Variants in HS2ST1 observed in about 807,000 individuals in gnomAD.
HS2ST1 encodes 2-O-sulfotransferase.
A neutral mutation model predicts 42.9 loss-of-function variants in HS2ST1; 18 were observed. The observed-to-expected ratio is 0.42, with a 90% CI of 0.29 to 0.62. The LOEUF (loss-of-function observed/expected upper bound fraction) is 0.62, where lower values mean the gene tolerates loss of function less well. Ranked by LOEUF, HS2ST1 falls within the 20% of genes least tolerant of loss-of-function variation. The probability of loss-of-function intolerance (pLI) is 0.21; values close to 1 mark genes in which losing one functional copy is unlikely to be tolerated. For synonymous variants in HS2ST1, 146 were observed against 152.9 expected (o/e 0.95, Z 0.33); for missense variants, 334 against 433.8 (o/e 0.77, Z 2.04).
chr1:87,021,706 C>G (rs2100588100), intron 1 of HS2ST1, among the ~76,000 whole-genome samples: 1 of 152,228 alleles, frequency 6.6e-6, no homozygotes, highest in Admixed American at 6.5e-5. Context: ...TATGGAGACA[C>G]AGTCTCACTT....
chr1:87,090,870 G>T (rs2100649066), intron 3 of HS2ST1, among the ~76,000 whole-genome samples: 1 of 152,002 alleles, frequency 6.6e-6, no homozygotes, highest in South Asian at 2.1e-4. Context: ...GGACCTCTTA[G>T]TTGGAAATCC....
intron 5 of HS2ST1, among the ~76,000 whole-genome samples, chr1:87,099,060 G>C (rs1421629446): frequency 6.6e-6 from 1 of 152,196 alleles, no homozygotes; most frequent in African/African-American, 2.4e-5. Flanking sequence ...TTACAGGCAT[G>C]AGCCACCGTG....
At chr1:86,965,301 C>G (rs1401358166) in intron 1 of HS2ST1, among the ~76,000 whole-genome samples, 1 of 151,946 alleles carries the variant, frequency 6.6e-6, no homozygotes, top group Non-Finnish European at 1.5e-5. Context: ...TTCATTAGTT[C>G]CCACTTGAGG....
intron 1 of HS2ST1, among the ~76,000 whole-genome samples, chr1:87,020,776 C>T (rs927086168): frequency 2.6e-5 from 4 of 152,168 alleles, no homozygotes; most frequent in African/African-American, 7.2e-5. Context: ...CCTGTGAGGA[C>T]ATAATTACCT....
In HS2ST1 at chr1:87,012,734, C is replaced by G. The variant is rs574568975; in HGVS notation, c.125-60200C>G. ...CTGGGACAAGGCAAGTCCCCTCTGC[C>G]TATGAGCCTGAAAAATCAAAAGCAA... is the stretch of plus-strand genomic sequence containing the variant. On this transcript the variant is annotated intron_variant, in intron 1 of 6. Transcript: ENST00000370550. Among the ~76,000 whole-genome samples, 183 of 152,294 alleles carry G rather than the reference C, an allele frequency of 1.2e-3. 1 individual carries two copies. The highest frequency in any genetic ancestry group is 4.1e-3 in the African/African-American group (172 of 41,570).
At chr1:87,047,369 T>TA (rs71082063) in intron 1 of HS2ST1, among the ~76,000 whole-genome samples, 141,831 of 152,188 alleles carry the variant, frequency 0.93, 66,151 homozygotes, top group East Asian at 0.99. Flanking sequence ...ATTTCACAAA[T>TA]TTTTTTCCTT....
At chr1:87,051,517 A>C (rs1441868166) in intron 1 of HS2ST1, among the ~76,000 whole-genome samples, 1 of 152,242 alleles carries the variant, frequency 6.6e-6, no homozygotes, top group Non-Finnish European at 1.5e-5. Flanking sequence ...AGATATTAAA[A>C]TGTCTATTGT....
At chr1:86,928,038 TTAAAAA>T (rs1457077208) in intron 1 of HS2ST1, among the ~76,000 whole-genome samples, 1 of 152,100 alleles carries the variant, frequency 6.6e-6, no homozygotes, top group Non-Finnish European at 1.5e-5. Flanking sequence ...TAATAGTAAC[TTAAAAA>T]TTGAAATCTT....
chr1:87,007,744 G>T (rs1293376056), intron 1 of HS2ST1, among the ~76,000 whole-genome samples: 1 of 152,010 alleles, frequency 6.6e-6, no homozygotes, highest in Non-Finnish European at 1.5e-5. Flanking sequence ...TATGCACAAT[G>T]CTAATGCAGA....
At chr1:87,033,098 A>C (rs766383173) in intron 1 of HS2ST1, among the ~76,000 whole-genome samples, 1 of 152,236 alleles carries the variant, frequency 6.6e-6, no homozygotes, top group South Asian at 2.1e-4. Context: ...ACCTGAGATT[A>C]TATATATTTA....
chr1:87,001,974 G>A (rs984083035), intron 1 of HS2ST1, among the ~76,000 whole-genome samples: 7 of 148,034 alleles, frequency 4.7e-5, no homozygotes, highest in South Asian at 2.1e-4. Flanking sequence ...GTGCAGTGGC[G>A]CGATCTCGGC....
chr1:86,980,310 G>A (rs1005316679), intron 1 of HS2ST1, among the ~76,000 whole-genome samples: 1 of 152,006 alleles, frequency 6.6e-6, no homozygotes, highest in Admixed American at 6.6e-5. Context: ...TGCCTTCAAA[G>A]ACAATGTATA....
intron 1 of HS2ST1, among the ~76,000 whole-genome samples, chr1:87,069,135 G>T (rs1651335609): frequency 6.6e-6 from 1 of 152,172 alleles, no homozygotes; most frequent in African/African-American, 2.4e-5. Context: ...GATGCCAGAG[G>T]CAGAAGAGAT....
chr1:86,972,774 T>C (rs1242707705), intron 1 of HS2ST1, among the ~76,000 whole-genome samples: 1 of 152,208 alleles, frequency 6.6e-6, no homozygotes, highest in East Asian at 1.9e-4. Flanking sequence ...GACATATATG[T>C]TATTAACTGC....
intron 1 of HS2ST1, among the ~76,000 whole-genome samples, chr1:86,960,645 T>C (rs535138354): frequency 6.6e-6 from 1 of 152,182 alleles, no homozygotes; most frequent in Non-Finnish European, 1.5e-5. Flanking sequence ...TTGGAGAAGA[T>C]ATACAGATGG....
At chr1:86,983,997 G>A (rs772098981) in intron 1 of HS2ST1, among the ~76,000 whole-genome samples, 58 of 150,828 alleles carry the variant, frequency 3.8e-4, no homozygotes, top group African/African-American at 1.4e-3. Flanking sequence ...CTGAGATCGC[G>A]CCATTGAACT....
intron 1 of HS2ST1, among the ~76,000 whole-genome samples, chr1:87,008,442 A>C (rs550433723): frequency 1.2e-4 from 18 of 152,234 alleles, no homozygotes; most frequent in Non-Finnish European, 2.5e-4. Context: ...CAAAACATTT[A>C]TACACTGTAA....
intron 3 of HS2ST1, among the ~76,000 whole-genome samples, chr1:87,087,791 T>A (rs1356649827): frequency 6.6e-6 from 1 of 151,394 alleles, no homozygotes; most frequent in Non-Finnish European, 1.5e-5. Context: ...GGGAGTTGCG[T>A]TTTTATTAAC....
chr1:87,023,836 A>G (rs1190696385), intron 1 of HS2ST1, among the ~76,000 whole-genome samples: 1 of 152,006 alleles, frequency 6.6e-6, no homozygotes, highest in East Asian at 1.9e-4. Context: ...TTATGCTTAG[A>G]ACATTACTGC....
Sources: gnomAD v4.1 joint callset for allele counts (sites outside exome capture counted in the v4.1 genomes callset) on GRCh38, gnomAD v4.1.1 for gene constraint, MANE v1.5 for transcripts, NCBI Gene and HGNC (gene_info 2026-07-23, HGNC 2026-07-21) for gene names.